HEATR4: variants seen among roughly 807,000 people sequenced by gnomAD.
HEATR4 encodes the protein HEAT repeat-containing protein 4.
In HEATR4, 95 loss-of-function variants were observed where a neutral mutation model predicts 108.8. The ratio of observed to expected loss-of-function variants is 0.87; its 90% CI spans 0.74 to 1.04. HEATR4 has a LOEUF of 1.04. Among genes scored for constraint, HEATR4 ranks in the 50% least tolerant of loss-of-function variants. The pLI, the probability that HEATR4 is intolerant of heterozygous loss-of-function variation, is 0.00. For synonymous variants in HEATR4, 443 were observed against 459.4 expected (o/e 0.96, Z 0.46); for missense variants, 1,152 against 1,253.8 (o/e 0.92, Z 1.23).
chr14:73,591,687 A>G, the HEATR4 span: 1 of 373,050 alleles, frequency 2.7e-6, no homozygotes, highest in South Asian at 1.4e-4. Flanking sequence ...TGAGGCAGAG[A>G]GGCTTTCTAC....
chr14:73,511,854 G>T (rs2140281014), intron 7 of HEATR4, 152 bp downstream of exon 7: 2 of 772,658 alleles, frequency 2.6e-6, no homozygotes, highest in Non-Finnish European at 4.1e-6. Flanking sequence ...CGTCTCTATT[G>T]CTGATAAGCA....
chr14:73,582,761 G>C, the HEATR4 span: 1 of 152,024 alleles, frequency 6.6e-6, no homozygotes, highest in Non-Finnish European at 1.5e-5. Context: ...GAATAATCAT[G>C]TAAGACTCCC....
chr14:73,616,955 A>C, the HEATR4 span: 81 of 611,820 alleles, frequency 1.3e-4, no homozygotes, highest in African/African-American at 1.3e-3. Context: ...TCTTTTGAGA[A>C]ACTAAAGCTC....
In HEATR4 at chr14:73,548,565, G is replaced by T. The variant is rs182515771; in HGVS notation, c.-152+10186C>A. Reference sequence around the variant, plus strand: ...TGGTGTGTACTTAACAAGCATCTAGGTAAATACATGTGCATAAGGCACGGA... The same window carrying T: ...TGGTGTGTACTTAACAAGCATCTAGTTAAATACATGTGCATAAGGCACGGA... On this transcript the variant is annotated intron_variant, in intron 1 of 17. Transcript: ENST00000553558. Among the ~76,000 whole-genome samples the T allele has an allele frequency of 6.4e-3, 740 of 115,432 alleles. 90 individuals are homozygous for T. The highest frequency in any genetic ancestry group is 0.02 in the African/African-American group (711 of 35,484). 75.7% of individuals were successfully genotyped at this position (115,432 alleles called of 152,430 possible).
At chr14:73,500,433 G>T in intron 12 of HEATR4, 117 bp downstream of exon 12, 2 of 1,148,454 alleles carry the variant, frequency 1.7e-6, no homozygotes, top group South Asian at 1.5e-5. Flanking sequence ...CCCCTTCCCA[G>T]TTCCAATCTC....
At chr14:73,567,535 A>G in the HEATR4 span, 1 of 152,052 alleles carries the variant, frequency 6.6e-6, no homozygotes, top group Non-Finnish European at 1.5e-5. Context: ...ATGGAAAATC[A>G]GCGCTCTGTA....
intron 1 of HEATR4, among the ~76,000 whole-genome samples, chr14:73,530,782 A>G (rs1888663494): frequency 1.2e-5 from 1 of 85,728 alleles, no homozygotes. Context: ...ATAGCACACC[A>G]CTCTCGGTTA....
At chr14:73,511,983 A>G in intron 7 of HEATR4, 23 bp downstream of exon 7, 1 of 1,613,620 alleles carries the variant, frequency 6.2e-7, no homozygotes, top group South Asian at 1.1e-5. Context: ...TATGTTCTCA[A>G]GCAGTTCAGC....
the HEATR4 span, chr14:73,612,832 G>C: frequency 7.0e-7 from 1 of 1,425,256 alleles, no homozygotes; most frequent in Non-Finnish European, 9.3e-7. Flanking sequence ...TGGAGCCCGA[G>C]AAAGCCTTGG....
chr14:73,583,303 C>G, the HEATR4 span, among the ~76,000 whole-genome samples: 2 of 149,702 alleles, frequency 1.3e-5, no homozygotes, highest in African/African-American at 4.9e-5. Flanking sequence ...GAGCTGAGAT[C>G]GTGCCATTGC....
At chr14:73,609,574 G>A in the HEATR4 span, among the ~76,000 whole-genome samples, 1 of 152,202 alleles carries the variant, frequency 6.6e-6, no homozygotes, top group African/African-American at 2.4e-5. Context: ...GCTGCTTCCA[G>A]TGCCACTGCC....
chr14:73,612,636 C>T, the HEATR4 span: 3 of 1,404,122 alleles, frequency 2.1e-6, no homozygotes, highest in East Asian at 9.1e-5. Context: ...CTGCGCATCG[C>T]AGTGCGCGGC....
chr14:73,512,077 A>C lies in HEATR4; in HGVS notation c.1487T>G (p.Ile496Ser). 1 of 1,614,130 alleles carries C rather than the reference A, an allele frequency of 6.2e-7. No individual in the cohort carries two copies. The highest frequency in any genetic ancestry group is 8.5e-7 in the Non-Finnish European group (1 of 1,180,020). The change falls in exon 7 of 18, where the codon ATC becomes AGC. Residue 496 changes from isoleucine (I) to serine (S), a missense_variant. Transcript: ENST00000553558. Reference protein sequence around the residue: ...SLGDLHDDVRIKAITTCATAA... With the variant: ...SLGDLHDDVRSKAITTCATAA... ...TGTGGCACATGTGGTGATAGCTTTGATCCGAACGTCATCATGCAGGTCTCC... is the reference window on the plus strand; with the variant it reads ...TGTGGCACATGTGGTGATAGCTTTGCTCCGAACGTCATCATGCAGGTCTCC...
Position 73,492,100 on chromosome 14 carries a change from AC to A in HEATR4, c.2844+965del. The A allele has an allele frequency of 6.2e-7, 1 of 1,613,344 alleles. No homozygotes were observed. Among genetic ancestry groups the A allele is most frequent in the Non-Finnish European group, 8.5e-7 (1 of 1,179,758 alleles). ...GTAGGAAACTCTGGCGTGTATACCGACCCCGAGTCCCAACCGAGGAACTGGC... is the reference window on the plus strand; with the variant it reads ...GTAGGAAACTCTGGCGTGTATACCGACCCGAGTCCCAACCGAGGAACTGGC... On this transcript the variant is annotated intron_variant, in intron 17 of 17. Coordinates refer to ENST00000553558, the MANE Select transcript of HEATR4 (RefSeq NM_001220484.1). This position sits in a 1 kb window ranked among gnomAD's most constrained non-coding sequence, Gnocchi z 4.9.
rs1074501 is a variant in HEATR4, at chr14:73,523,155, C to G, written c.-3G>C. 6.3e-7 allele frequency: 1 copy of G among 1,579,914 alleles called. No homozygotes were observed. Among genetic ancestry groups the G allele is most frequent in the African/African-American group, 1.3e-5 (1 of 74,496 alleles). ...TTTCCCTTCTGGGTCCTGGTCATACCGCGTCCCAGCAAATGCTTCCTTCCA... is the reference window on the plus strand; with the variant it reads ...TTTCCCTTCTGGGTCCTGGTCATACGGCGTCCCAGCAAATGCTTCCTTCCA... On this transcript the variant is annotated 5_prime_UTR_variant, in exon 3 of 18. Transcript: ENST00000553558.
intron 17 of HEATR4, chr14:73,491,022 A>G: frequency 6.6e-7 from 1 of 1,505,116 alleles, no homozygotes; most frequent in Non-Finnish European, 8.9e-7. Context: ...CTGGCCATGG[A>G]TGGGCTCCAG....
intron 17 of HEATR4, among the ~76,000 whole-genome samples, chr14:73,484,766 C>G (rs987631837): frequency 6.6e-6 from 1 of 151,822 alleles, no homozygotes; most frequent in African/African-American, 2.4e-5. Flanking sequence ...TTCTTTCTGT[C>G]TTCAGTTTGG....
rs536987035 is a variant in HEATR4 at position 73,481,737 on chromosome 14, C to T, written c.2845-2895G>A. Among the ~76,000 whole-genome samples the T allele has an allele frequency of 2.0e-3, 302 of 151,420 alleles. 1 individual carries two copies. Among genetic ancestry groups the T allele is most frequent in the African/African-American group, 6.9e-3 (283 of 41,302 alleles). Reference sequence around the variant, plus strand: ...GCGGGCACCTGTAGTCCCAGCTACTCGGGAGGCTGAGGCAGGAGAATGGCG... The same window carrying T: ...GCGGGCACCTGTAGTCCCAGCTACTTGGGAGGCTGAGGCAGGAGAATGGCG... On this transcript the variant is annotated intron_variant, in intron 17 of 17. Transcript: ENST00000553558.
the HEATR4 span, chr14:73,580,681 T>C: frequency 6.6e-6 from 1 of 152,248 alleles, no homozygotes. Context: ...GCTAGAGATA[T>C]CTGGTCCATA....
Sources: gnomAD v4.1 joint callset for allele counts (sites outside exome capture counted in the v4.1 genomes callset) on GRCh38, gnomAD v4.1.1 for gene constraint, Gnocchi (gnomAD v3.1) non-coding constraint, MANE v1.5 for transcripts, NCBI Gene and HGNC (gene_info 2026-07-23, HGNC 2026-07-21) for gene names.